TMEFF1: variants seen among roughly 807,000 people sequenced by gnomAD.
The protein encoded by TMEFF1 is tomoregulin-1.
In TMEFF1, 20 loss-of-function variants were observed where a neutral mutation model predicts 47.5. The ratio of observed to expected loss-of-function variants is 0.42; its 90% CI spans 0.30 to 0.61. The LOEUF (loss-of-function observed/expected upper bound fraction) is 0.61. Ranked by LOEUF, TMEFF1 falls within the 20% of genes least tolerant of loss-of-function variation. TMEFF1 has a pLI of 0.19. For synonymous variants in TMEFF1, 162 were observed against 166.3 expected, an observed-to-expected ratio of 0.97 and a Z score of 0.20; for missense variants, 411 against 471.1, an observed-to-expected ratio of 0.87 and a Z score of 1.18.
intron 2 of TMEFF1, among the ~76,000 whole-genome samples, chr9:100,506,567 C>T (rs1837865618): frequency 6.6e-6 from 1 of 151,776 alleles, no homozygotes; most frequent in African/African-American, 2.4e-5. Context: ...AGATCGAGAC[C>T]ATCCTGGCTA....
At chr9:100,525,183 C>T (rs1838233415) in intron 5 of TMEFF1, among the ~76,000 whole-genome samples, 1 of 152,096 alleles carries the variant, frequency 6.6e-6, no homozygotes, top group African/African-American at 2.4e-5. Context: ...ATCGATTTTC[C>T]AACTCTCTGA....
At chr9:100,554,719 G>A (rs889535577) in intron 7 of TMEFF1, among the ~76,000 whole-genome samples, 1 of 151,756 alleles carries the variant, frequency 6.6e-6, no homozygotes, top group Non-Finnish European at 1.5e-5. Flanking sequence ...AGCAGATGGT[G>A]GTTAGGGAAG....
intron 2 of TMEFF1, among the ~76,000 whole-genome samples, chr9:100,499,901 C>T (rs150984311): frequency 4.6e-5 from 7 of 152,254 alleles, no homozygotes; most frequent in African/African-American, 7.2e-5. Context: ...ATACTGTTGT[C>T]CAGCCAGTTT....
At chr9:100,519,565 T>G (rs1481587436) in intron 5 of TMEFF1, among the ~76,000 whole-genome samples, 1 of 151,858 alleles carries the variant, frequency 6.6e-6, no homozygotes, top group Admixed American at 6.6e-5. Context: ...CATCTGCCTC[T>G]TTCTAATTTT....
At chr9:100,519,689 GC>G (rs1173145318) in intron 5 of TMEFF1, among the ~76,000 whole-genome samples, 2 of 104,604 alleles carry the variant, frequency 1.9e-5, no homozygotes, top group African/African-American at 3.8e-5. Flanking sequence ...CAAAAACACT[GC>G]CCTCTTCATC....
chr9:100,530,349 A>C (rs951377142), intron 5 of TMEFF1, among the ~76,000 whole-genome samples: 2 of 152,164 alleles, frequency 1.3e-5, no homozygotes, highest in Non-Finnish European at 2.9e-5. Context: ...CAAGACTAAC[A>C]AAGAAAAAAA....
intron 2 of TMEFF1, among the ~76,000 whole-genome samples, chr9:100,506,234 C>T (rs542368319): frequency 2.4e-4 from 37 of 152,004 alleles, no homozygotes; most frequent in Non-Finnish European, 4.4e-4. Context: ...AAGTCTTGCT[C>T]ATTGAAGAAA....
chr9:100,490,989 C>T (rs1050160471), intron 1 of TMEFF1, among the ~76,000 whole-genome samples: 1 of 151,890 alleles, frequency 6.6e-6, no homozygotes, highest in African/African-American at 2.4e-5. Context: ...TACAGGCCTG[C>T]ATCACAGTGC....
chr9:100,473,234 AC>A lies in TMEFF1; in HGVS notation c.-306del. ...AGGCTGGGCCTGCCTCCGGCCCGCG[AC>A]CCCCGCCCGCCGCGCGCGCGCCCGC... On this transcript the variant is annotated 5_prime_UTR_variant, in exon 1 of 10. Transcript: ENST00000374879. The surrounding 1 kb of genome is among the most constrained non-coding windows in gnomAD (Gnocchi z 5.4). 6.7e-6 allele frequency: 1 copy of A among 148,196 alleles called. No individual in the cohort carries two copies. The highest frequency in any genetic ancestry group is 1.8e-4 in the South Asian group (1 of 5,522). 9.2% of individuals were successfully genotyped at this position (148,196 alleles called of 1,614,324 possible).
intron 8 of TMEFF1, 74 bp downstream of exon 8, chr9:100,561,594 A>C: frequency 4.2e-6 from 6 of 1,441,808 alleles, no homozygotes; most frequent in Non-Finnish European, 5.5e-6. Flanking sequence ...AAGGGAATGA[A>C]ATGTAGACTA....
chr9:100,473,437 C>A lies in TMEFF1; in HGVS notation c.-108C>A. On this transcript the variant is annotated 5_prime_UTR_variant, in exon 1 of 10. Transcript: ENST00000374879. The surrounding 1 kb of genome is among the most constrained non-coding windows in gnomAD (Gnocchi z 5.4). ...GCTGACGGGCTGCTCCCCGGCTCAG[C>A]GGCGCGGCTGCTAGGAGGCACCGAG... 3 of 868,278 alleles carry A rather than the reference C, an allele frequency of 3.5e-6. No individual in the cohort carries two copies. The highest frequency in any genetic ancestry group is 4.5e-6 in the Non-Finnish European group (3 of 660,844). 53.8% of individuals were successfully genotyped at this position (868,278 alleles called of 1,614,324 possible). A position where few individuals can be genotyped will look rare whatever the true frequency, so the allele number is the denominator to read the frequency against.
chr9:100,532,393 A>G (rs540255987), intron 5 of TMEFF1, among the ~76,000 whole-genome samples: 50 of 152,358 alleles, frequency 3.3e-4, no homozygotes, highest in Admixed American at 1.4e-3. Flanking sequence ...ACAAATTTAC[A>G]AGAAAAAAAC....
chr9:100,538,870 A>G lies in TMEFF1; in HGVS notation c.561-8874A>G, dbSNP rs115948561. On this transcript the variant is annotated intron_variant, in intron 5 of 9. Coordinates refer to ENST00000374879, the MANE Select transcript of TMEFF1 (RefSeq NM_003692.5). ...GTTTTCATGAATAATACTGCTGTGAATATTCTTTCACATTTTCTGGTATAC... is the reference window on the plus strand; with the variant it reads ...GTTTTCATGAATAATACTGCTGTGAGTATTCTTTCACATTTTCTGGTATAC... 6.7e-3 allele frequency among the ~76,000 whole-genome samples: 1,022 copies of G among 152,036 alleles called. 7 individuals carry two copies. The highest frequency in any genetic ancestry group is 0.024 in the African/African-American group (994 of 41,490).
chr9:100,501,874 A>T (rs1164356504), intron 2 of TMEFF1, among the ~76,000 whole-genome samples: 1 of 152,084 alleles, frequency 6.6e-6, no homozygotes, highest in Non-Finnish European at 1.5e-5. Context: ...CGAACTCTTG[A>T]CCTCGTGAAC....
intron 8 of TMEFF1, among the ~76,000 whole-genome samples, chr9:100,568,490 A>G (rs1839168225): frequency 6.6e-6 from 1 of 152,198 alleles, no homozygotes; most frequent in Non-Finnish European, 1.5e-5. Flanking sequence ...CTTAAGTTTC[A>G]TAACAGTAAT....
Position 100,516,908 on chromosome 9 carries a change from A to G in TMEFF1, c.560+137A>G, listed in dbSNP as rs139894312. The stretch of plus-strand genomic sequence containing the variant: ...TTTTTTTTTTGTTTAATGCTAGTCT[A>G]TTGACTTTTAAATTGATATAATACT... On this transcript the variant is annotated intron_variant, in intron 5 of 9. Transcript: ENST00000374879. 5.6e-3 allele frequency: 5,467 copies of G among 975,176 alleles called. 130 individuals are homozygous for G. In the African/African-American group the frequency reaches 0.06, roughly 11 times the overall value. The allele number at this position is 975,176 out of a possible 1,614,324, so 60.4% of individuals were successfully genotyped here. A position where few individuals can be genotyped will look rare whatever the true frequency, so the allele number is the denominator to read the frequency against.
At chr9:100,558,470 C>T (rs1838957588) in intron 7 of TMEFF1, among the ~76,000 whole-genome samples, 1 of 151,598 alleles carries the variant, frequency 6.6e-6, no homozygotes, top group Non-Finnish European at 1.5e-5. Flanking sequence ...TATATTTGAT[C>T]TCAGTTATTT....
intron 7 of TMEFF1, among the ~76,000 whole-genome samples, chr9:100,552,566 G>A (rs772334887): frequency 3.3e-5 from 5 of 152,118 alleles, no homozygotes; most frequent in Non-Finnish European, 1.5e-5. Flanking sequence ...GTCAGTCTTT[G>A]GATATAGAGG....
chr9:100,473,802 T>G lies in TMEFF1; in HGVS notation c.196+62T>G. 5 of 1,400,768 alleles carry G rather than the reference T, an allele frequency of 3.6e-6. 1 individual carries two copies. In the Middle Eastern group the frequency reaches 7.5e-4, roughly 210 times the overall value. The allele number at this position is 1,400,768 out of a possible 1,614,324, so 86.8% of individuals were successfully genotyped here. ...CCCTCCGTTGCCGCCTCCCTCGTGG[T>G]CCCTGCGGTCGGCCGGGCTGGGAAA... On this transcript the variant is annotated intron_variant, in intron 1 of 9. Transcript: ENST00000374879. The surrounding 1 kb of genome is among the most constrained non-coding windows in gnomAD (Gnocchi z 5.4).
Sources: allele counts gnomAD v4.1 joint callset (sites outside exome capture counted in the v4.1 genomes callset), GRCh38; gene constraint gnomAD v4.1.1; non-coding constraint Gnocchi (gnomAD v3.1); transcripts MANE v1.5; gene names NCBI Gene and HGNC (gene_info 2026-07-23, HGNC 2026-07-21).